Variants in KCNAB1 observed in about 807,000 individuals in gnomAD.
KCNAB1 encodes voltage-gated potassium channel subunit beta-1.
A neutral mutation model predicts 64.6 loss-of-function variants in KCNAB1; 35 were observed. The ratio of observed to expected loss-of-function variants is 0.54; its 90% confidence interval spans 0.41 to 0.72. The LOEUF is 0.72. KCNAB1 is among the 30% of genes least tolerant of loss of function. The pLI is 0.00. For synonymous variants in KCNAB1, 177 were observed against 183.8 expected, an observed-to-expected ratio of 0.96 and a Z score of 0.30; for missense variants, 401 against 512.9, an observed-to-expected ratio of 0.78 and a Z score of 2.11.
intron 1 of KCNAB1, among the ~76,000 whole-genome samples, chr3:156,334,970 C>T (rs1723588650): frequency 6.6e-6 from 1 of 152,196 alleles, no homozygotes; most frequent in Non-Finnish European, 1.5e-5. Context: ...TTGACTCCAG[C>T]CTTGCCCTTC....
chr3:156,277,731 G>A (rs1320382816), intron 1 of KCNAB1, among the ~76,000 whole-genome samples: 1 of 152,154 alleles, frequency 6.6e-6, no homozygotes, highest in Non-Finnish European at 1.5e-5. Flanking sequence ...TCTTCAAGAT[G>A]CTGATTTCAT....
At chr3:156,495,718 C>A (rs913629878) in intron 8 of KCNAB1, among the ~76,000 whole-genome samples, 5 of 152,116 alleles carry the variant, frequency 3.3e-5, no homozygotes, top group African/African-American at 1.2e-4. Context: ...ACAGTAATAA[C>A]CCTATTCTAT....
At chr3:156,255,785 C>A (rs1203517767) in intron 1 of KCNAB1, among the ~76,000 whole-genome samples, 3 of 152,218 alleles carry the variant, frequency 2.0e-5, no homozygotes, top group Non-Finnish European at 4.4e-5. Context: ...CAGAATGAAT[C>A]TCTCCTTGGC....
chr3:156,262,284 A>T (rs1039347696), intron 1 of KCNAB1, among the ~76,000 whole-genome samples: 1 of 152,076 alleles, frequency 6.6e-6, no homozygotes, highest in East Asian at 1.9e-4. Flanking sequence ...TAGGGGAAAA[A>T]CATTTAGTCT....
chr3:156,165,780 C>T (rs1711531697), intron 1 of KCNAB1, among the ~76,000 whole-genome samples: 1 of 152,118 alleles, frequency 6.6e-6, no homozygotes, highest in African/African-American at 2.4e-5. Context: ...CTGAGCTCTC[C>T]TGGTTTTTCT....
chr3:156,511,719 C>T (rs1188309830), intron 8 of KCNAB1, among the ~76,000 whole-genome samples: 1 of 152,248 alleles, frequency 6.6e-6, no homozygotes, highest in Non-Finnish European at 1.5e-5. Context: ...CTTTCTACTT[C>T]CTCCAGTCCT....
intron 1 of KCNAB1, among the ~76,000 whole-genome samples, chr3:156,411,085 G>C (rs1351650571): frequency 2.0e-5 from 3 of 152,082 alleles, no homozygotes; most frequent in Admixed American, 6.5e-5. Flanking sequence ...GATTCCATTT[G>C]CTCTGTATCT....
chr3:156,224,067 G>A (rs764595425), intron 1 of KCNAB1, among the ~76,000 whole-genome samples: 9 of 152,208 alleles, frequency 5.9e-5, no homozygotes, highest in Non-Finnish European at 1.3e-4. Flanking sequence ...GCCCTGCCCC[G>A]TGGGGAGGCA....
intron 1 of KCNAB1, among the ~76,000 whole-genome samples, chr3:156,228,425 C>T (rs915682520): frequency 4.6e-5 from 7 of 152,164 alleles, no homozygotes; most frequent in African/African-American, 1.7e-4. Flanking sequence ...GTGTTGTTTC[C>T]TCAAGCATTT....
At chr3:156,126,082 T>C (rs1343534076) in intron 1 of KCNAB1, among the ~76,000 whole-genome samples, 2 of 151,718 alleles carry the variant, frequency 1.3e-5, no homozygotes, top group African/African-American at 2.4e-5. Flanking sequence ...CAGGAGGAGA[T>C]GGGGAGGGGA....
At chr3:156,284,351 G>A (rs1333814045) in intron 1 of KCNAB1, among the ~76,000 whole-genome samples, 1 of 152,218 alleles carries the variant, frequency 6.6e-6, no homozygotes, top group African/African-American at 2.4e-5. Context: ...CGTGCTCGGA[G>A]AACCACTGCT....
chr3:156,489,732 T>C (rs1490773206), intron 8 of KCNAB1, among the ~76,000 whole-genome samples: 1 of 151,996 alleles, frequency 6.6e-6, no homozygotes, highest in East Asian at 1.9e-4. Context: ...GTCAGTGAAC[T>C]GAAAACCTAG....
At chr3:156,250,730 G>A (rs970174671) in intron 1 of KCNAB1, among the ~76,000 whole-genome samples, 2 of 152,170 alleles carry the variant, frequency 1.3e-5, no homozygotes, top group Non-Finnish European at 2.9e-5. Context: ...AGATGATGTG[G>A]AAAGGGGATT....
At chr3:156,161,327 T>A (rs1481207855) in intron 1 of KCNAB1, among the ~76,000 whole-genome samples, 1 of 152,162 alleles carries the variant, frequency 6.6e-6, no homozygotes, top group East Asian at 1.9e-4. Context: ...GTACTTCCTT[T>A]AAAAAACCCT....
intron 1 of KCNAB1, among the ~76,000 whole-genome samples, chr3:156,221,644 G>C (rs145225211): frequency 3.9e-5 from 6 of 152,024 alleles, no homozygotes; most frequent in African/African-American, 1.2e-4. Flanking sequence ...CGGACATGGT[G>C]GTGGGCGCCT....
chr3:156,198,140 G>A (rs1714075074), intron 1 of KCNAB1, among the ~76,000 whole-genome samples: 1 of 152,208 alleles, frequency 6.6e-6, no homozygotes, highest in African/African-American at 2.4e-5. Flanking sequence ...TGATTGCACT[G>A]TGGTCTGAGA....
chr3:156,176,502 A>T (rs1287028626), intron 1 of KCNAB1: 2 of 794,872 alleles, frequency 2.5e-6, no homozygotes, highest in Non-Finnish European at 4.6e-6. Context: ...TCACTATCCC[A>T]CACAGCCACA....
intron 1 of KCNAB1, among the ~76,000 whole-genome samples, chr3:156,148,487 C>G (rs1464948718): frequency 6.6e-6 from 1 of 152,202 alleles, no homozygotes. Context: ...TAATAGTGCT[C>G]TAGCCCCATC....
rs1429841998 is a variant in KCNAB1 at position 156,354,878 on chromosome 3, C to A, written c.276-66738C>A. ...TCAATATGTTTTGTATTCAAGTTTC[C>A]AACCAGCAAAATTTGTGACCTTATT... On this transcript the variant is annotated intron_variant, in intron 1 of 13. Coordinates refer to ENST00000490337, the MANE Select transcript of KCNAB1 (RefSeq NM_172160.3). Among the ~76,000 whole-genome samples, 2 of 152,148 alleles carry A rather than the reference C, an allele frequency of 1.3e-5. 1 individual carries two copies. The highest frequency in any genetic ancestry group is 4.2e-4 in the South Asian group (2 of 4,808).
Sources: allele counts gnomAD v4.1 joint callset (sites outside exome capture counted in the v4.1 genomes callset), GRCh38; gene constraint gnomAD v4.1.1; transcripts MANE v1.5; gene names NCBI Gene and HGNC (gene_info 2026-07-23, HGNC 2026-07-21).